Variants in PGBD2 observed in about 807,000 individuals in gnomAD.
PGBD2 encodes piggyBac transposable element-derived protein 2.
PGBD2 carries 6 observed loss-of-function variants against 8.1 expected under a neutral mutation model. That is an observed-to-expected ratio of 0.74 (90% CI 0.40 to 1.46). PGBD2 has a LOEUF of 1.46. Ranked by LOEUF, PGBD2 falls within the 40% of genes most tolerant of loss-of-function variation. The probability of loss-of-function intolerance (pLI) is 0.02; values close to 1 mark genes in which losing one functional copy is unlikely to be tolerated. For missense variants in PGBD2, 802 were observed against 739.0 expected (o/e 1.09, Z -0.99); for synonymous variants, 318 against 272.2 (o/e 1.17, Z -1.66).
the PGBD2 span, among the ~76,000 whole-genome samples, chr1:248,895,501 G>C: frequency 6.6e-6 from 1 of 152,084 alleles, no homozygotes; most frequent in Non-Finnish European, 1.5e-5. Context: ...GGTGCTGTTA[G>C]ACATTTAAGG....
the PGBD2 span, among the ~76,000 whole-genome samples, chr1:248,880,932 T>C: frequency 6.6e-6 from 1 of 152,204 alleles, no homozygotes; most frequent in Admixed American, 6.5e-5. Context: ...CTAGTCATTA[T>C]TTAGCATTAT....
At position 248,917,914 on chromosome 1, in the gene PGBD2, C is replaced by T. The variant is rs200909280; in HGVS notation, c.1330C>T (p.Arg444Trp). The T allele has an allele frequency of 2.1e-5, 34 of 1,614,054 alleles. No individual in the cohort carries two copies. The highest frequency in any genetic ancestry group is 6.7e-5 in the East Asian group (3 of 44,890). The change falls in exon 3 of 3, where the codon CGG becomes TGG. Residue 444 changes from arginine (R) to tryptophan (W), a missense_variant. By Grantham distance (101) the Arg-to-Trp change is moderately radical (BLOSUM62 -3). Transcript: ENST00000329291. Reference protein sequence around the residue: ...TSRHSGAAKTRTQVHQPSLVK... With the variant: ...TSRHSGAAKTWTQVHQPSLVK... Reference sequence around the variant, plus strand: ...TCGTCACTCTGGAGCAGCTAAAACGCGGACTCAGGTCCACCAGCCATCACT... The same window carrying T: ...TCGTCACTCTGGAGCAGCTAAAACGTGGACTCAGGTCCACCAGCCATCACT...
At chr1:248,881,489 T>C in the PGBD2 span, among the ~76,000 whole-genome samples, 2 of 152,228 alleles carry the variant, frequency 1.3e-5, no homozygotes, top group Non-Finnish European at 2.9e-5. Flanking sequence ...CCATGTAAAG[T>C]TGGTATATTC....
chr1:248,873,589 TG>T, the PGBD2 span, among the ~76,000 whole-genome samples: 1 of 152,234 alleles, frequency 6.6e-6, no homozygotes, highest in African/African-American at 2.4e-5. Flanking sequence ...TCTCAGGCAT[TG>T]TCCTGCGTTT....
At chr1:248,908,391 C>G (rs1384885230) in intron 1 of PGBD2, among the ~76,000 whole-genome samples, 1 of 152,158 alleles carries the variant, frequency 6.6e-6, no homozygotes, top group Non-Finnish European at 1.5e-5. Flanking sequence ...TGCTGCTAGG[C>G]TTAGTGAATG....
intron 1 of PGBD2, among the ~76,000 whole-genome samples, chr1:248,908,195 G>T (rs913857900): frequency 3.3e-5 from 5 of 152,132 alleles, no homozygotes; most frequent in Non-Finnish European, 1.5e-5. Flanking sequence ...TTTCCTTGGA[G>T]AAATTTACAT....
intron 2 of PGBD2, among the ~76,000 whole-genome samples, chr1:248,915,871 A>T (rs1379076277): frequency 6.6e-6 from 1 of 152,162 alleles, no homozygotes; most frequent in Non-Finnish European, 1.5e-5. Flanking sequence ...AAGAGAGGGA[A>T]GGTATAGTAA....
At chr1:248,923,605 G>C (rs1662329058), downstream of PGBD2, among the ~76,000 whole-genome samples, 1 of 152,152 alleles carries the variant, frequency 6.6e-6, no homozygotes, top group Admixed American at 6.5e-5. Context: ...AAAATAATCA[G>C]ACAAATAAAA....
the PGBD2 span, among the ~76,000 whole-genome samples, chr1:248,898,237 ACTT>A: frequency 6.6e-6 from 1 of 152,178 alleles, no homozygotes; most frequent in African/African-American, 2.4e-5. Context: ...CAGCCAGACT[ACTT>A]CTTCAAGCAG....
downstream of PGBD2, among the ~76,000 whole-genome samples, chr1:248,924,325 T>C (rs1026556330): frequency 6.6e-6 from 1 of 152,256 alleles, no homozygotes; most frequent in Non-Finnish European, 1.5e-5. Flanking sequence ...AGCCAGGGTG[T>C]GTAATTCACT....
chr1:248,920,371 C>G (rs1304798484), downstream of PGBD2, among the ~76,000 whole-genome samples: 1 of 152,052 alleles, frequency 6.6e-6, no homozygotes, highest in Non-Finnish European at 1.5e-5. Flanking sequence ...TGTTCAACTC[C>G]CACTTATGAG....
rs946590145 is a variant in PGBD2 at position 248,918,336 on chromosome 1, A to G, written c.1752A>G (p.Lys584=). 6.4e-7 allele frequency: 1 copy of G among 1,568,938 alleles called. No individual in the cohort carries two copies. Among genetic ancestry groups the G allele is most frequent in the African/African-American group, 1.4e-5 (1 of 73,888 alleles). The part of the protein sequence containing the change: ...CEKCQKGVHA[K]CFREYHIR ...AGTGCCAGAAGGGTGTCCATGCCAA[A>G]TGCTTCAGGGAGTACCACATCCGGT... The change falls in exon 3 of 3, where the codon AAA becomes AAG. Residue 584 remains lysine (K), a synonymous_variant. Transcript: ENST00000329291.
chr1:248,914,026 G>C, intron 2 of PGBD2, 147 bp downstream of exon 2: 2 of 774,300 alleles, frequency 2.6e-6, no homozygotes, highest in Non-Finnish European at 4.6e-6. Flanking sequence ...GAGGAGATGG[G>C]AGAAGAATGG....
chr1:248,879,770 C>T, the PGBD2 span, among the ~76,000 whole-genome samples: 1 of 152,112 alleles, frequency 6.6e-6, no homozygotes, highest in Non-Finnish European at 1.5e-5. Flanking sequence ...TATATAGTTC[C>T]TCTCAGTAAG....
At chr1:248,874,134 A>G in the PGBD2 span, among the ~76,000 whole-genome samples, 2 of 152,210 alleles carry the variant, frequency 1.3e-5, no homozygotes, top group African/African-American at 2.4e-5. Flanking sequence ...GGAGGGAAGC[A>G]GTCTGCATAT....
In PGBD2 at chr1:248,918,317, A is replaced by G. The variant is rs1662196326; in HGVS notation, c.1733A>G (p.Gln578Arg). 6.3e-7 allele frequency: 1 copy of G among 1,582,148 alleles called. No individual in the cohort carries two copies. The highest frequency in any genetic ancestry group is 1.3e-5 in the African/African-American group (1 of 74,436). Residue 578 changes from glutamine to arginine, a missense_variant, in exon 3 of 3, where the codon CAG becomes CGG. Gln to Arg is a conservative substitution (Grantham distance 43). Transcript: ENST00000329291. ...ACCAACACCCGGTGTGAGAAGTGCCAGAAGGGTGTCCATGCCAAATGCTTC... is the reference window on the plus strand; with the variant it reads ...ACCAACACCCGGTGTGAGAAGTGCCGGAAGGGTGTCCATGCCAAATGCTTC... ...SQTNTRCEKCQKGVHAKCFRE... is the reference protein window; with the variant it reads ...SQTNTRCEKCRKGVHAKCFRE...
At chr1:248,911,125 T>C (rs867053477) in intron 1 of PGBD2, among the ~76,000 whole-genome samples, 4 of 152,078 alleles carry the variant, frequency 2.6e-5, no homozygotes, top group Admixed American at 6.5e-5. Flanking sequence ...TTTTCTTTTT[T>C]TTTTAGTATT....
At chr1:248,889,016 T>G in the PGBD2 span, among the ~76,000 whole-genome samples, 1 of 152,162 alleles carries the variant, frequency 6.6e-6, no homozygotes, top group Non-Finnish European at 1.5e-5. Flanking sequence ...AACACTGGCT[T>G]TGATGCATTC....
At chr1:248,889,155 G>A in the PGBD2 span, among the ~76,000 whole-genome samples, 4 of 152,202 alleles carry the variant, frequency 2.6e-5, no homozygotes, top group Non-Finnish European at 4.4e-5. Context: ...GAGAGGCCAA[G>A]GTGGGCAGAT....
Sources: gnomAD v4.1 joint callset for allele counts (sites outside exome capture counted in the v4.1 genomes callset) on GRCh38, gnomAD v4.1.1 for gene constraint, MANE v1.5 for transcripts, NCBI Gene and HGNC (gene_info 2026-07-23, HGNC 2026-07-21) for gene names.